The following AGTPBP1 variants were observed in gnomAD, a reference collection of about 807,000 sequenced individuals.
The protein encoded by AGTPBP1 is cytosolic carboxypeptidase 1.
A neutral mutation model predicts 143.9 loss-of-function variants in AGTPBP1; 70 were observed. The ratio of observed to expected loss-of-function variants is 0.49; its 90% CI spans 0.40 to 0.59. AGTPBP1 has a LOEUF of 0.59. Among genes scored for constraint, AGTPBP1 ranks in the 20% least tolerant of loss-of-function variants. The probability of loss-of-function intolerance (pLI) is 0.00; values close to 1 mark genes in which losing one functional copy is unlikely to be tolerated. For synonymous variants in AGTPBP1, 463 were observed against 500.2 expected, an observed-to-expected ratio of 0.93 and a Z score of 0.99; for missense variants, 1,229 against 1,464.5, an observed-to-expected ratio of 0.84 and a Z score of 2.62.
At chr9:85,773,320 CTTTTTTTTTT>C in the AGTPBP1 span, among the ~76,000 whole-genome samples, 2 of 29,944 alleles carry the variant, frequency 6.7e-5, no homozygotes, top group Admixed American at 9.4e-4. Flanking sequence ...CCAACAAATT[CTTTTTTTTTT>C]TTTTTTTTTT....
chr9:85,550,752 C>T (rs1359966267), intron 25 of AGTPBP1, among the ~76,000 whole-genome samples: 3 of 152,272 alleles, frequency 2.0e-5, no homozygotes, highest in African/African-American at 4.8e-5. Context: ...TGCTCGGTAA[C>T]ATTCACTCCG....
intron 9 of AGTPBP1, among the ~76,000 whole-genome samples, chr9:85,658,230 A>C (rs7044831): frequency 0.25 from 37,536 of 151,868 alleles, 5,266 homozygotes; most frequent in East Asian, 0.54. Flanking sequence ...CTTTTTTAGT[A>C]AATGAAATTT....
chr9:85,785,313 G>A, the AGTPBP1 span, among the ~76,000 whole-genome samples: 5 of 151,706 alleles, frequency 3.3e-5, no homozygotes, highest in African/African-American at 4.9e-5. Flanking sequence ...CAACCTGGGC[G>A]ACAGAGCGAG....
At chr9:85,565,766 T>C (rs1478249062) in intron 25 of AGTPBP1, among the ~76,000 whole-genome samples, 1 of 152,208 alleles carries the variant, frequency 6.6e-6, no homozygotes, top group Non-Finnish European at 1.5e-5. Flanking sequence ...AAGCAATCAT[T>C]GCCCCTTATC....
chr9:85,738,410 C>T (rs1823968038), intron 1 of AGTPBP1, among the ~76,000 whole-genome samples: 1 of 151,674 alleles, frequency 6.6e-6, no homozygotes, highest in African/African-American at 2.4e-5. Flanking sequence ...TATATAATAT[C>T]AATAAAAAAG....
intron 1 of AGTPBP1, among the ~76,000 whole-genome samples, chr9:85,726,056 CAAAAAAA>C (rs948203314): frequency 8.6e-4 from 35 of 40,806 alleles, no homozygotes; most frequent in African/African-American, 2.1e-3. Context: ...GACTCCATCT[CAAAAAAA>C]AAAAAAAAAA....
the AGTPBP1 span, among the ~76,000 whole-genome samples, chr9:85,751,275 T>G: frequency 6.6e-6 from 1 of 152,260 alleles, no homozygotes; most frequent in South Asian, 2.1e-4. Flanking sequence ...TCAGTGCTTC[T>G]GAAATTACTT....
At chr9:85,618,852 T>G (rs139640085) in intron 17 of AGTPBP1, 131 bp downstream of exon 17, 16 of 999,920 alleles carry the variant, frequency 1.6e-5, no homozygotes, top group Admixed American at 3.0e-5. Flanking sequence ...GCATAATATC[T>G]GAATTTTGAG....
the AGTPBP1 span, chr9:85,765,027 G>T: frequency 9.9e-6 from 6 of 608,626 alleles, no homozygotes; most frequent in African/African-American, 9.2e-5. Flanking sequence ...TGGTAAACTT[G>T]GTTCCTTGAG....
At chr9:85,587,088 G>T in intron 21 of AGTPBP1, 128 bp from the exon 22 acceptor site, 1 of 1,151,130 alleles carries the variant, frequency 8.7e-7, no homozygotes, top group Non-Finnish European at 1.2e-6. Context: ...TTTCAAATAG[G>T]TATAGATGGT....
At chr9:85,621,744 T>C (rs950033595) in intron 14 of AGTPBP1, among the ~76,000 whole-genome samples, 1 of 152,200 alleles carries the variant, frequency 6.6e-6, no homozygotes, top group Non-Finnish European at 1.5e-5. Context: ...TCAGTCTGCA[T>C]GTTCGTAGAA....
chr9:85,670,939 T>C (rs1834441562), intron 7 of AGTPBP1, among the ~76,000 whole-genome samples: 1 of 152,110 alleles, frequency 6.6e-6, no homozygotes, highest in Non-Finnish European at 1.5e-5. Context: ...TGGGGGTTTT[T>C]GTTGCATTGT....
chr9:85,620,420 T>TAAAAA (rs67311066), intron 15 of AGTPBP1, among the ~76,000 whole-genome samples: 3 of 103,902 alleles, frequency 2.9e-5, no homozygotes, highest in Non-Finnish European at 4.0e-5. Context: ...GGACTTCATC[T>TAAAAA]AAAAAAAAAA....
At chr9:85,742,278 T>TC (rs1824403844), upstream of AGTPBP1, among the ~76,000 whole-genome samples, 1 of 152,006 alleles carries the variant, frequency 6.6e-6, no homozygotes, top group Non-Finnish European at 1.5e-5. Context: ...TGCGAGCGAC[T>TC]CCCCACGTTC....
intron 17 of AGTPBP1, among the ~76,000 whole-genome samples, chr9:85,608,394 A>T (rs1418667459): frequency 6.6e-6 from 1 of 152,098 alleles, no homozygotes; most frequent in Admixed American, 6.5e-5. Context: ...TCTCAGAATA[A>T]GATAGAACAA....
At chr9:85,760,038 G>C in the AGTPBP1 span, among the ~76,000 whole-genome samples, 12 of 151,990 alleles carry the variant, frequency 7.9e-5, no homozygotes, top group African/African-American at 2.4e-4. Flanking sequence ...ATAAATTCCT[G>C]GACACGTACA....
intron 3 of AGTPBP1, among the ~76,000 whole-genome samples, chr9:85,683,372 C>A (rs1228547478): frequency 6.6e-6 from 1 of 151,980 alleles, no homozygotes; most frequent in African/African-American, 2.4e-5. Flanking sequence ...TTTAAAGGCC[C>A]CTGATTTAAT....
At chr9:85,678,966 A>C (rs898698787) in intron 4 of AGTPBP1, among the ~76,000 whole-genome samples, 3 of 152,180 alleles carry the variant, frequency 2.0e-5, no homozygotes, top group Admixed American at 2.0e-4. Flanking sequence ...ATATGGCTAT[A>C]TCACCATTGT....
chr9:85,776,748 C>T, the AGTPBP1 span, among the ~76,000 whole-genome samples: 1 of 152,094 alleles, frequency 6.6e-6, no homozygotes, highest in African/African-American at 2.4e-5. Context: ...TGTTGTGTCT[C>T]CTGTTGGCAG....
Sources: allele counts gnomAD v4.1 joint callset (sites outside exome capture counted in the v4.1 genomes callset), GRCh38; gene constraint gnomAD v4.1.1; transcripts MANE v1.5; gene names NCBI Gene and HGNC (gene_info 2026-07-23, HGNC 2026-07-21).